TBC1D23: variants seen among roughly 807,000 people sequenced by gnomAD.
TBC1D23 encodes the protein HCV non-structural protein 4A-transactivated protein 1.
In TBC1D23, 55 loss-of-function variants were observed where a neutral mutation model predicts 91.4. That is an observed-to-expected ratio of 0.60 (90% confidence interval 0.48 to 0.75). The LOEUF (loss-of-function observed/expected upper bound fraction) is 0.75. Ranked by LOEUF, TBC1D23 falls within the 30% of genes least tolerant of loss-of-function variation. The pLI is 0.00. For missense variants in TBC1D23, 725 were observed against 836.1 expected (o/e 0.87, Z 1.64); for synonymous variants, 289 against 281.0 (o/e 1.03, Z -0.28).
intron 1 of TBC1D23, 147 bp downstream of exon 1, chr3:100,261,218 A>G: frequency 2.8e-6 from 2 of 721,634 alleles, no homozygotes; most frequent in Middle Eastern, 3.9e-4. Flanking sequence ...CCCCTCTGCC[A>G]GCTGGGTGCC....
chr3:100,283,224 T>G (rs1439632624), intron 3 of TBC1D23, among the ~76,000 whole-genome samples: 2 of 151,880 alleles, frequency 1.3e-5, no homozygotes, highest in Non-Finnish European at 2.9e-5. Flanking sequence ...AGTACAAAAA[T>G]TTAGTTGGGT....
At chr3:100,294,553 G>A (rs189596792) in intron 5 of TBC1D23, among the ~76,000 whole-genome samples, 1 of 152,082 alleles carries the variant, frequency 6.6e-6, no homozygotes, top group African/African-American at 2.4e-5. Flanking sequence ...GAGCCACTGC[G>A]CCCGGCCTAA....
chr3:100,321,161 T>C (rs1444522492), intron 18 of TBC1D23, among the ~76,000 whole-genome samples, 190 bp downstream of exon 18: 1 of 152,192 alleles, frequency 6.6e-6, no homozygotes, highest in Non-Finnish European at 1.5e-5. Context: ...TAGCACATGA[T>C]TTGAGTAAGT....
At chr3:100,315,330 T>G (rs1705718903) in intron 15 of TBC1D23, among the ~76,000 whole-genome samples, 1 of 151,886 alleles carries the variant, frequency 6.6e-6, no homozygotes. Flanking sequence ...GCCCAGCCAA[T>G]TTTGTATTTT....
chr3:100,284,763 A>G (rs2067725458), intron 4 of TBC1D23, among the ~76,000 whole-genome samples: 1 of 152,158 alleles, frequency 6.6e-6, no homozygotes, highest in African/African-American at 2.4e-5. Flanking sequence ...TTTAGTACCA[A>G]AAGAAACTTT....
At chr3:100,284,225 G>A (rs1042107556) in intron 4 of TBC1D23, among the ~76,000 whole-genome samples, 5 of 152,100 alleles carry the variant, frequency 3.3e-5, no homozygotes, top group African/African-American at 1.2e-4. Context: ...GGGAATATGA[G>A]ATGATAGGTG....
At chr3:100,323,335 A>G (rs1324209379) in intron 18 of TBC1D23, among the ~76,000 whole-genome samples, 1 of 152,158 alleles carries the variant, frequency 6.6e-6, no homozygotes, top group African/African-American at 2.4e-5. Flanking sequence ...GGTTCAAAGA[A>G]TTTTAGCTTT....
chr3:100,310,598 T>A (rs1705609172), intron 14 of TBC1D23, 56 bp downstream of exon 14: 1 of 1,342,856 alleles, frequency 7.4e-7, no homozygotes, highest in South Asian at 1.4e-5. Flanking sequence ...AAAGAAACAA[T>A]GTCTTAGAGT....
At chr3:100,302,800 G>T (rs753298893) in intron 11 of TBC1D23, among the ~76,000 whole-genome samples, 9 of 152,170 alleles carry the variant, frequency 5.9e-5, no homozygotes, top group Non-Finnish European at 8.8e-5. Context: ...TGGCCAGGCT[G>T]ACATAGTGAT....
intron 16 of TBC1D23, among the ~76,000 whole-genome samples, chr3:100,317,440 A>G (rs1477142293): frequency 6.6e-6 from 1 of 152,122 alleles, no homozygotes; most frequent in Non-Finnish European, 1.5e-5. Flanking sequence ...TTTGTTTCAA[A>G]TGACACTGGA....
intron 11 of TBC1D23, among the ~76,000 whole-genome samples, chr3:100,303,577 C>G (rs1333384509): frequency 2.6e-5 from 4 of 151,982 alleles, no homozygotes; most frequent in Non-Finnish European, 2.9e-5. Context: ...TCAAGACCAC[C>G]CTGGGCAACA....
At chr3:100,279,828 C>A in intron 2 of TBC1D23, 68 bp downstream of exon 2, 1 of 990,596 alleles carries the variant, frequency 1.0e-6, no homozygotes, top group South Asian at 1.6e-5. Context: ...TTTGTTGCTT[C>A]AGATGTCTTA....
chr3:100,296,690 T>A (rs942351386), intron 8 of TBC1D23, among the ~76,000 whole-genome samples: 6 of 151,784 alleles, frequency 4.0e-5, no homozygotes, highest in Non-Finnish European at 1.5e-5. Context: ...AAACCCTATC[T>A]TTACTAAGAA....
chr3:100,315,377 G>A (rs938088136), intron 15 of TBC1D23, among the ~76,000 whole-genome samples: 1 of 151,974 alleles, frequency 6.6e-6, no homozygotes, highest in Admixed American at 6.6e-5. Flanking sequence ...GGTCAGGCTG[G>A]TCTTGAACTC....
chr3:100,291,794 T>TG (rs141511631), intron 5 of TBC1D23, among the ~76,000 whole-genome samples: 1 of 132,660 alleles, frequency 7.5e-6, no homozygotes. Context: ...GCTTTTTTTT[T>TG]TCTTTTTTTT....
rs764213858 is a variant in TBC1D23 at position 100,320,793 on chromosome 3, G to C, written c.1840G>C (p.Ala614Pro). ...HMFPSHLLVT[A>P]THMYCLREIV... Reference sequence around the variant, plus strand: ...TGTCTCAAGTCATCTGTTGGTTACTGCAACACATATGTACTGTTTAAGGGA... The same window carrying C: ...TGTCTCAAGTCATCTGTTGGTTACTCCAACACATATGTACTGTTTAAGGGA... Residue 614 changes from alanine to proline, a missense_variant, in exon 18 of 19, where the codon GCA becomes CCA. Physicochemically the swap from Ala to Pro is conservative, Grantham distance 27. Coordinates refer to ENST00000394144, the MANE Select transcript of TBC1D23 (RefSeq NM_001199198.3). 4.6e-6 allele frequency: 7 copies of C among 1,516,146 alleles called. No individual in the cohort carries two copies. In the South Asian group the frequency reaches 8.4e-5, roughly 18 times the overall value. 93.9% of individuals were successfully genotyped at this position (1,516,146 alleles called of 1,614,324 possible).
intron 18 of TBC1D23, among the ~76,000 whole-genome samples, chr3:100,323,179 T>C (rs1705894404): frequency 6.6e-6 from 1 of 152,218 alleles, no homozygotes; most frequent in African/African-American, 2.4e-5. Flanking sequence ...AACTATTAAG[T>C]GTTGGAATTG....
intron 1 of TBC1D23, among the ~76,000 whole-genome samples, chr3:100,269,610 A>G (rs768258916): frequency 6.6e-6 from 1 of 152,226 alleles, no homozygotes; most frequent in African/African-American, 2.4e-5. Flanking sequence ...CTTGAGCTCC[A>G]TGCATATCTA....
chr3:100,317,341 A>G (rs1264791154), intron 16 of TBC1D23, among the ~76,000 whole-genome samples: 1 of 152,172 alleles, frequency 6.6e-6, no homozygotes, highest in Non-Finnish European at 1.5e-5. Context: ...CAGCTCATGT[A>G]TCTCCTCATT....
Sources: gnomAD v4.1 joint callset for allele counts (sites outside exome capture counted in the v4.1 genomes callset) on GRCh38, gnomAD v4.1.1 for gene constraint, MANE v1.5 for transcripts, NCBI Gene and HGNC (gene_info 2026-07-23, HGNC 2026-07-21) for gene names.